Variants in IGSF21 observed in about 807,000 individuals in gnomAD.
IGSF21 encodes immunoglobin superfamily member 21, also known as immunoglobulin superfamily member 21.
Under a neutral mutation model 46.8 loss-of-function variants are expected in IGSF21, and 28 were observed. The ratio of observed to expected loss-of-function variants is 0.60; its 90% CI spans 0.44 to 0.82. The LOEUF is 0.82. Ranked by LOEUF, IGSF21 falls within the 40% of genes least tolerant of loss-of-function variation. The probability of loss-of-function intolerance (pLI) is 0.00; values close to 1 mark genes in which losing one functional copy is unlikely to be tolerated. For missense variants in IGSF21, 624 were observed against 665.5 expected, an observed-to-expected ratio of 0.94 and a Z score of 0.69; for synonymous variants, 284 against 273.6, an observed-to-expected ratio of 1.04 and a Z score of -0.38.
chr1:18,304,604 C>G (rs1189822344), intron 3 of IGSF21, among the ~76,000 whole-genome samples: 2 of 152,150 alleles, frequency 1.3e-5, no homozygotes, highest in Admixed American at 6.6e-5. Flanking sequence ...AATGCAGCTT[C>G]CCCCTGACCT....
intron 4 of IGSF21, among the ~76,000 whole-genome samples, chr1:18,352,397 A>G (rs115593437): frequency 6.6e-6 from 1 of 152,264 alleles, no homozygotes; most frequent in Admixed American, 6.5e-5. Context: ...CAGGGTGGGG[A>G]CTGCCGGACC....
At chr1:18,308,927 C>T (rs76654540) in intron 3 of IGSF21, among the ~76,000 whole-genome samples, 1 of 152,124 alleles carries the variant, frequency 6.6e-6, no homozygotes, top group Non-Finnish European at 1.5e-5. Context: ...AGGGCACTCA[C>T]AGGTGCAGCC....
At chr1:18,174,129 G>A (rs1032842065) in intron 1 of IGSF21, among the ~76,000 whole-genome samples, 8 of 152,146 alleles carry the variant, frequency 5.3e-5, no homozygotes, top group South Asian at 2.1e-4. Context: ...TGTGGCTTGC[G>A]GGGAATCACA....
intron 2 of IGSF21, among the ~76,000 whole-genome samples, chr1:18,241,048 T>C (rs1282506051): frequency 6.6e-6 from 1 of 152,152 alleles, no homozygotes; most frequent in Non-Finnish European, 1.5e-5. Flanking sequence ...AGCAGACATG[T>C]GTGGCTGTAA....
chr1:18,109,362 C>G lies in IGSF21; in HGVS notation c.70+1164C>G, dbSNP rs1378634435. 1 of 151,936 alleles carries G rather than the reference C, an allele frequency of 6.6e-6. No homozygotes were observed. Among genetic ancestry groups the G allele is most frequent in the Non-Finnish European group, 1.5e-5 (1 of 68,022 alleles). The allele number at this position is 151,936 out of a possible 1,614,324, so 9.4% of individuals were successfully genotyped here. ...GGCTCCGCCTCGGAGGGGAGCGGGA[C>G]GCGAGGTGCCAAAAAGTCGTCTTTA... On this transcript the variant is annotated intron_variant, in intron 1 of 9. Transcript: ENST00000251296. The surrounding 1 kb of genome is among the most constrained non-coding windows in gnomAD (Gnocchi z 4.8).
intron 1 of IGSF21, among the ~76,000 whole-genome samples, chr1:18,157,813 G>A (rs2086581375): frequency 6.6e-6 from 1 of 152,128 alleles, no homozygotes; most frequent in South Asian, 2.1e-4. Context: ...TTTGCTGGAT[G>A]AGTCTTGGAG....
At chr1:18,260,752 C>T (rs1295101658) in intron 2 of IGSF21, among the ~76,000 whole-genome samples, 1 of 152,198 alleles carries the variant, frequency 6.6e-6, no homozygotes, top group East Asian at 1.9e-4. Flanking sequence ...ATGGAAAGTT[C>T]CTTCCATCCA....
intron 1 of IGSF21, among the ~76,000 whole-genome samples, chr1:18,127,988 C>T (rs1410255949): frequency 6.6e-6 from 1 of 151,976 alleles, no homozygotes; most frequent in Admixed American, 6.5e-5. Context: ...ACGGTGGGCT[C>T]CCTCACTAAA....
At chr1:18,164,301 T>C (rs1429893735) in intron 1 of IGSF21, among the ~76,000 whole-genome samples, 3 of 152,100 alleles carry the variant, frequency 2.0e-5, no homozygotes, top group Admixed American at 6.5e-5. Context: ...TCCCCTTTCC[T>C]TCTTTCTTCC....
chr1:18,272,340 C>A lies in IGSF21; in HGVS notation c.184-19526C>A, dbSNP rs188593451. 8.5e-4 allele frequency among the ~76,000 whole-genome samples: 130 copies of A among 152,202 alleles called. 1 individual carries two copies. The highest frequency in any genetic ancestry group is 3.0e-3 in the African/African-American group (126 of 41,512). On this transcript the variant is annotated intron_variant, in intron 2 of 9. Transcript: ENST00000251296. Reference sequence around the variant, plus strand: ...TGGGGGTGGGGTGGGGGGGACACAGCGAAGCCATATCACCCTCTCTGCCAC... The same window carrying A: ...TGGGGGTGGGGTGGGGGGGACACAGAGAAGCCATATCACCCTCTCTGCCAC...
intron 6 of IGSF21, among the ~76,000 whole-genome samples, chr1:18,366,613 G>T (rs560931653): frequency 6.6e-6 from 1 of 152,286 alleles, no homozygotes; most frequent in East Asian, 1.9e-4. Flanking sequence ...AAAGTCATAG[G>T]AATTTTTGCC....
chr1:18,338,979 C>A (rs72938733), intron 4 of IGSF21, among the ~76,000 whole-genome samples: 1,680 of 152,250 alleles, frequency 0.011, 28 homozygotes, highest in African/African-American at 0.037. Flanking sequence ...CCATCCCCAC[C>A]GAAGTTAAAA....
chr1:18,171,501 A>C (rs1435176198), intron 1 of IGSF21, among the ~76,000 whole-genome samples: 1 of 152,052 alleles, frequency 6.6e-6, no homozygotes, highest in Non-Finnish European at 1.5e-5. Flanking sequence ...GCAGCTAGGA[A>C]CTCAGTCCCC....
chr1:18,183,696 A>G (rs1445102481), intron 1 of IGSF21, among the ~76,000 whole-genome samples: 2 of 152,160 alleles, frequency 1.3e-5, no homozygotes, highest in Non-Finnish European at 2.9e-5. Context: ...CAGCTGGGCC[A>G]TTTAAGCTGC....
intron 1 of IGSF21, among the ~76,000 whole-genome samples, chr1:18,172,150 A>G (rs543640375): frequency 2.3e-4 from 35 of 152,316 alleles, no homozygotes; most frequent in African/African-American, 7.7e-4. Context: ...CAGCCCTAGA[A>G]TCCCCCTAGC....
At chr1:18,254,906 C>T (rs566284441) in intron 2 of IGSF21, among the ~76,000 whole-genome samples, 85 of 152,268 alleles carry the variant, frequency 5.6e-4, no homozygotes, top group Admixed American at 4.4e-3. Flanking sequence ...ATTCATCCAG[C>T]ACTTATTTTG....
chr1:18,124,977 A>G (rs761023431), intron 1 of IGSF21, among the ~76,000 whole-genome samples: 11 of 152,142 alleles, frequency 7.2e-5, no homozygotes, highest in Non-Finnish European at 1.0e-4. Flanking sequence ...CTCGAGGGGA[A>G]GATGTGCCGC....
rs374791870 is a variant in IGSF21, at chr1:18,226,896, C to G, written c.71-1002C>G. On this transcript the variant is annotated intron_variant, in intron 1 of 9. Coordinates refer to ENST00000251296, the MANE Select transcript of IGSF21 (RefSeq NM_032880.5). ...TGATCAGCCCAGGAATGAGGTTCCC[C>G]TCGGAACTGCGGTGAAGGTCCAGGC... Among the ~76,000 whole-genome samples, 11 of 152,318 alleles carry G rather than the reference C, an allele frequency of 7.2e-5. No individual in the cohort carries two copies. In the East Asian group the frequency reaches 1.4e-3, roughly 19 times the overall value.
intron 7 of IGSF21, 32 bp from the exon 8 acceptor site, chr1:18,376,768 G>A (rs1480890569): frequency 9.7e-6 from 15 of 1,553,992 alleles, no homozygotes; most frequent in Non-Finnish European, 1.3e-5. Context: ...GGGCCCTCCT[G>A]TGACCCACCT....
Sources: allele counts gnomAD v4.1 joint callset (sites outside exome capture counted in the v4.1 genomes callset), GRCh38; gene constraint gnomAD v4.1.1; non-coding constraint Gnocchi (gnomAD v3.1); transcripts MANE v1.5; gene names NCBI Gene and HGNC (gene_info 2026-07-23, HGNC 2026-07-21).